FAM174B: variants seen among roughly 807,000 people sequenced by gnomAD.
FAM174B encodes the protein family with sequence similarity 174 member B, also known as membrane protein FAM174B.
In FAM174B, 12 loss-of-function variants were observed where a neutral mutation model predicts 10.9. The observed-to-expected ratio is 1.10, with a 90% CI of 0.71 to 1.79. The LOEUF is 1.79. FAM174B is among the 40% of genes most tolerant of loss of function. The pLI is 0.00. For synonymous variants in FAM174B, 132 were observed against 115.8 expected (o/e 1.14, Z -0.90); for missense variants, 266 against 233.3 (o/e 1.14, Z -0.91).
intron 1 of FAM174B, among the ~76,000 whole-genome samples, chr15:92,642,878 CATAG>C (rs2050900471): frequency 6.6e-6 from 1 of 152,148 alleles, no homozygotes; most frequent in African/African-American, 2.4e-5. Flanking sequence ...ACATGCCACA[CATAG>C]ATGAACCCTG....
chr15:92,628,264 C>T (rs2050766713), intron 2 of FAM174B, among the ~76,000 whole-genome samples: 1 of 151,116 alleles, frequency 6.6e-6, no homozygotes, highest in African/African-American at 2.4e-5. Flanking sequence ...TCCCAGGCTC[C>T]AGTGATCCTC....
chr15:92,655,629 G>GGAGCGGGGCGGGCAGCGGCAC lies in FAM174B; in HGVS notation c.10_30dup (p.Val4_Leu10dup), dbSNP rs2051000009. 1.0e-5 allele frequency: 13 copies of GGAGCGGGGCGGGCAGCGGCAC among 1,259,766 alleles called. No individual in the cohort carries two copies. Among genetic ancestry groups the GGAGCGGGGCGGGCAGCGGCAC allele is most frequent in the Admixed American group, 8.3e-5 (2 of 24,210 alleles). 78.0% of individuals were successfully genotyped at this position (1,259,766 alleles called of 1,614,324 possible). A position where few individuals can be genotyped will look rare whatever the true frequency, so the allele number is the denominator to read the frequency against. On this transcript the variant is annotated inframe_insertion, in exon 1 of 3. Coordinates refer to ENST00000327355, the MANE Select transcript of FAM174B (RefSeq NM_207446.3). ...AGGAGCGCGAGCAGCAGCAGCGGCA[G>GGAGCGGGGCGGGCAGCGGCAC]GAGCGGGGCGGGCAGCGGCACGGCG...
At chr15:92,630,142 C>T in intron 2 of FAM174B, 72 bp downstream of exon 2, 1 of 1,524,644 alleles carries the variant, frequency 6.6e-7, no homozygotes, top group Non-Finnish European at 9.0e-7. Flanking sequence ...ACATGGACAC[C>T]ATGCCTGACC....
chr15:92,645,090 A>G (rs1302400522), intron 1 of FAM174B, among the ~76,000 whole-genome samples: 1 of 152,228 alleles, frequency 6.6e-6, no homozygotes, highest in Non-Finnish European at 1.5e-5. Context: ...CGTGCCAAGC[A>G]TGAGTGATAT....
intron 1 of FAM174B, among the ~76,000 whole-genome samples, chr15:92,632,253 A>G (rs2050824237): frequency 1.3e-5 from 2 of 152,198 alleles, no homozygotes; most frequent in Non-Finnish European, 2.9e-5. Context: ...TATTTTAAAG[A>G]CAGGCTCTCG....
At chr15:92,634,778 G>A (rs2141957006) in intron 1 of FAM174B, 1 of 152,328 alleles carries the variant, frequency 6.6e-6, no homozygotes, top group South Asian at 2.1e-4. Context: ...GAATCAACGG[G>A]CTCTGAGTAC....
intron 2 of FAM174B, among the ~76,000 whole-genome samples, chr15:92,621,173 C>T (rs1217257630): frequency 5.3e-5 from 8 of 152,168 alleles, no homozygotes; most frequent in African/African-American, 1.9e-4. Context: ...TGTGCACACA[C>T]ATACATATAC....
intron 2 of FAM174B, among the ~76,000 whole-genome samples, chr15:92,623,590 C>T (rs528378136): frequency 6.6e-5 from 10 of 152,270 alleles, no homozygotes; most frequent in Non-Finnish European, 2.9e-5. Flanking sequence ...GAAGCTTGTC[C>T]GGCAGGCAAA....
Position 92,655,611 on chromosome 15 carries a change from C to T in FAM174B, c.49G>A (p.Ala17Thr). ...CGGGCGGCGGGAGCGGCCAGGAGCG[C>T]GAGCAGCAGCAGCGGCAGGAGCGGG... ...PAPLLPLLLL[A>T]LLAAPAARAS... The change falls in exon 1 of 3, where the codon GCG becomes ACG. Residue 17 changes from alanine (A) to threonine (T), a missense_variant. Transcript: ENST00000327355. The T allele has an allele frequency of 1.6e-6, 2 of 1,272,522 alleles. No individual in the cohort carries two copies. The highest frequency in any genetic ancestry group is 3.3e-5 in the East Asian group (1 of 30,702). The allele number at this position is 1,272,522 out of a possible 1,614,324, so 78.8% of individuals were successfully genotyped here.
intron 1 of FAM174B, among the ~76,000 whole-genome samples, chr15:92,653,786 G>A (rs1056588575): frequency 1.1e-4 from 17 of 152,262 alleles, no homozygotes; most frequent in South Asian, 2.1e-4. Flanking sequence ...GGCTAGAAGC[G>A]GGAAACCACA....
At chr15:92,630,757 A>T in intron 1 of FAM174B, among the ~76,000 whole-genome samples, 4 of 4,990 alleles carry the variant, frequency 8.0e-4, no homozygotes, top group South Asian at 0.5. Flanking sequence ...ATATTATATA[A>T]TAATATATAA....
intron 1 of FAM174B, among the ~76,000 whole-genome samples, chr15:92,644,573 C>A (rs184769420): frequency 1.3e-5 from 2 of 152,208 alleles, no homozygotes; most frequent in East Asian, 3.9e-4. Context: ...CCTAGGGCAC[C>A]CCCTCCCCAC....
intron 1 of FAM174B, chr15:92,639,263 G>T (rs922240492): frequency 6.6e-6 from 1 of 152,308 alleles, no homozygotes; most frequent in East Asian, 1.9e-4. Context: ...GCCAGCTCCC[G>T]CGATAACCAA....
In FAM174B at chr15:92,617,869, C is replaced by G. The variant is rs1355766589; in HGVS notation, c.*1587G>C. 1 of 445,162 alleles carries G rather than the reference C, an allele frequency of 2.2e-6. No individual in the cohort carries two copies. Among genetic ancestry groups the G allele is most frequent in the Admixed American group, 4.3e-5 (1 of 23,088 alleles). The allele number at this position is 445,162 out of a possible 1,614,324, so 27.6% of individuals were successfully genotyped here. On this transcript the variant is annotated 3_prime_UTR_variant, in exon 3 of 3. Transcript: ENST00000327355. ...GCAGGGAGCAGAGACTACACGCAGGCCCCCCGTGGCTGGCAATACCATGCG... is the reference window on the plus strand; with the variant it reads ...GCAGGGAGCAGAGACTACACGCAGGGCCCCCGTGGCTGGCAATACCATGCG...
chr15:92,644,069 TAAG>T (rs1308192220), intron 1 of FAM174B, among the ~76,000 whole-genome samples: 2 of 152,038 alleles, frequency 1.3e-5, no homozygotes, highest in Admixed American at 6.5e-5. Flanking sequence ...CCTCAGGACA[TAAG>T]AAGTAACAGA....
chr15:92,633,981 G>C (rs1216457327), intron 1 of FAM174B, among the ~76,000 whole-genome samples: 1 of 111,852 alleles, frequency 8.9e-6, no homozygotes, highest in African/African-American at 3.4e-5. Flanking sequence ...AAGCCTTTGA[G>C]ACTAGGGTCA....
At position 92,619,240 on chromosome 15, in the gene FAM174B, G is replaced by A. The variant is rs764211350; in HGVS notation, c.*216C>T. ...CACTTTAAAGGGATGCCCAAAGGGT[G>A]GCAGAAGCAACTCCATTGTGGTGAC... On this transcript the variant is annotated 3_prime_UTR_variant, in exon 3 of 3. Transcript: ENST00000327355. 4 of 708,006 alleles carry A rather than the reference G, an allele frequency of 5.6e-6. No individual in the cohort carries two copies. The highest frequency in any genetic ancestry group is 1.0e-5 in the Non-Finnish European group (4 of 387,870). The allele number at this position is 708,006 out of a possible 1,614,324, so 43.9% of individuals were successfully genotyped here.
chr15:92,630,348 G>T lies in FAM174B; in HGVS notation c.345-3C>A, dbSNP rs750469753. Reference sequence around the variant, plus strand: ...TCTTCTTTAACCTCTTTCCCGACCTGCAGGAGAAGAAGCACATTCATGAGA... The same window carrying T: ...TCTTCTTTAACCTCTTTCCCGACCTTCAGGAGAAGAAGCACATTCATGAGA... On this transcript the variant is annotated splice_polypyrimidine_tract_variant and splice_region_variant and intron_variant, in intron 1 of 2. Transcript: ENST00000327355. 2 of 1,608,192 alleles carry T rather than the reference G, an allele frequency of 1.2e-6. No individual in the cohort carries two copies. Among genetic ancestry groups the T allele is most frequent in the South Asian group, 2.2e-5 (2 of 90,262 alleles).
chr15:92,638,070 G>A (rs1278385010), intron 1 of FAM174B, among the ~76,000 whole-genome samples: 3 of 152,200 alleles, frequency 2.0e-5, no homozygotes, highest in Non-Finnish European at 2.9e-5. Flanking sequence ...GGGAAATAAA[G>A]AAGTGAAAAG....
Sources: allele counts gnomAD v4.1 joint callset (sites outside exome capture counted in the v4.1 genomes callset), GRCh38; gene constraint gnomAD v4.1.1; transcripts MANE v1.5; gene names NCBI Gene and HGNC (gene_info 2026-07-23, HGNC 2026-07-21).